Variants in SLC6A4 observed in about 807,000 individuals in gnomAD.
SLC6A4 encodes solute carrier family 6 member 4, also known as sodium-dependent serotonin transporter.
Under a neutral mutation model 73.4 loss-of-function variants are expected in SLC6A4, and 22 were observed. The ratio of observed to expected loss-of-function variants is 0.30; its 90% CI spans 0.21 to 0.43. SLC6A4 has a LOEUF of 0.43. Among genes scored for constraint, SLC6A4 ranks in the 20% least tolerant of loss-of-function variants. The probability of loss-of-function intolerance (pLI) is 1.00; values close to 1 mark genes in which losing one functional copy is unlikely to be tolerated. For missense variants in SLC6A4, 593 were observed against 808.5 expected (o/e 0.73, Z 3.23); for synonymous variants, 270 against 315.5 (o/e 0.86, Z 1.53).
At chr17:30,224,071 GC>G (rs1906853574) in intron 1 of SLC6A4, among the ~76,000 whole-genome samples, 1 of 152,106 alleles carries the variant, frequency 6.6e-6, no homozygotes, top group Non-Finnish European at 1.5e-5. Flanking sequence ...CTTCCCTCCG[GC>G]CTATATCAAT....
chr17:30,200,135 G>T (rs2143013105), intron 14 of SLC6A4, among the ~76,000 whole-genome samples: 1 of 152,354 alleles, frequency 6.6e-6, no homozygotes, highest in South Asian at 2.1e-4. Flanking sequence ...TGTTTGGTGG[G>T]GCAAGGCCCG....
In SLC6A4 at chr17:30,227,931, T is replaced by C. The variant is rs573146318; in HGVS notation, c.-220-5016A>G. On this transcript the variant is annotated intron_variant, in intron 1 of 14. Coordinates refer to ENST00000650711, the MANE Select transcript of SLC6A4 (RefSeq NM_001045.6). ...GCCCTGGGCTTCTCTCTACACAGAGTATAAAATCTAGAGGATATGCCCCTT... is the reference window on the plus strand; with the variant it reads ...GCCCTGGGCTTCTCTCTACACAGAGCATAAAATCTAGAGGATATGCCCCTT... Among the ~76,000 whole-genome samples, 6 of 152,298 alleles carry C rather than the reference T, an allele frequency of 3.9e-5. No homozygotes were observed. In the East Asian group the frequency reaches 1.2e-3, roughly 29 times the overall value.
intron 13 of SLC6A4, among the ~76,000 whole-genome samples, chr17:30,205,499 G>A (rs898548225): frequency 1.3e-5 from 2 of 152,168 alleles, no homozygotes; most frequent in Non-Finnish European, 2.9e-5. Flanking sequence ...CTGGTAGGAT[G>A]GGCTAGGCGA....
rs961362041 is a variant in SLC6A4, at chr17:30,203,083, A to G, written c.1818+89T>C. 1.6e-5 allele frequency: 18 copies of G among 1,132,588 alleles called. No individual in the cohort carries two copies. In the Admixed American group the frequency reaches 2.0e-4, roughly 13 times the overall value. 70.2% of individuals were successfully genotyped at this position (1,132,588 alleles called of 1,614,324 possible). On this transcript the variant is annotated intron_variant, in intron 14 of 14. Coordinates refer to ENST00000650711, the MANE Select transcript of SLC6A4 (RefSeq NM_001045.6). ...GGTTGCATGCCTCCTGGTGAATCTC[A>G]TTTTGAATAGAGCATAACAAGATAA... is the stretch of plus-strand genomic sequence containing the variant.
chr17:30,226,018 T>C (rs1402069461), intron 1 of SLC6A4, among the ~76,000 whole-genome samples: 1 of 152,180 alleles, frequency 6.6e-6, no homozygotes, highest in Non-Finnish European at 1.5e-5. Context: ...CCTTTGGAAA[T>C]GCCTGTGACG....
intron 13 of SLC6A4, among the ~76,000 whole-genome samples, chr17:30,206,712 C>CTTTTCTTTTTTTTTTT (rs61636654): frequency 7.7e-4 from 62 of 80,304 alleles, no homozygotes; most frequent in Non-Finnish European, 1.1e-3. Flanking sequence ...CTTTTCTTTT[C>CTTTTCTTTTTTTTTTT]TTTTTTTTTT....
At chr17:30,219,273 A>G (rs1391339202) in intron 3 of SLC6A4, among the ~76,000 whole-genome samples, 1 of 152,112 alleles carries the variant, frequency 6.6e-6, no homozygotes, top group Admixed American at 6.6e-5. Flanking sequence ...CTCCCTATAA[A>G]AGAACACAGT....
At chr17:30,223,739 A>T (rs2020937) in intron 1 of SLC6A4, among the ~76,000 whole-genome samples, 52,027 of 151,740 alleles carry the variant, frequency 0.34, 9,454 homozygotes, top group Non-Finnish European at 0.39. Context: ...TCCGCCACCC[A>T]CCCCAGGCTC....
chr17:30,225,824 T>TA (rs1264906732), intron 1 of SLC6A4, among the ~76,000 whole-genome samples: 1 of 152,190 alleles, frequency 6.6e-6, no homozygotes, highest in Non-Finnish European at 1.5e-5. Flanking sequence ...GACTTTCTCT[T>TA]AACTCTCCTG....
At chr17:30,198,917 G>A (rs1905945722) in intron 14 of SLC6A4, among the ~76,000 whole-genome samples, 2 of 152,116 alleles carry the variant, frequency 1.3e-5, no homozygotes. Flanking sequence ...GTAATTGCTG[G>A]GTTTTGGCCC....
In SLC6A4 at chr17:30,203,287, T is replaced by C; in HGVS notation, c.1703A>G (p.Tyr568Cys). 1.2e-6 allele frequency: 2 copies of C among 1,614,124 alleles called. No individual in the cohort carries two copies. Among genetic ancestry groups the C allele is most frequent in the Non-Finnish European group, 1.7e-6 (2 of 1,179,962 alleles). ...MSPPQLRLFQ[Y>C]NYPYWSIILG... The stretch of plus-strand genomic sequence containing the variant: ...GATGATACTCCAGTAAGGATAATTA[T>C]ATTGGAAAAGTCGTAGTTGTGGCGG... The change falls in exon 14 of 15, where the codon TAT (tyrosine) becomes TGT (cysteine). Residue 568 changes from tyrosine to cysteine, a missense_variant. Transcript: ENST00000650711.
At chr17:30,204,584 G>T (rs1023676398) in intron 13 of SLC6A4, 1 of 152,202 alleles carries the variant, frequency 6.6e-6, no homozygotes, top group African/African-American at 2.4e-5. Context: ...CTCCGGTTGG[G>T]GCAAGTGCTA....
intron 13 of SLC6A4, 49 bp from the exon 14 acceptor site, chr17:30,203,388 CAGAT>C (rs780002851): frequency 7.3e-6 from 11 of 1,498,982 alleles, no homozygotes; most frequent in Admixed American, 7.2e-5. Context: ...AATATCCACT[CAGAT>C]AGAGATGTTT....
At chr17:30,220,971 CTTT>C (rs776589435) in intron 3 of SLC6A4, among the ~76,000 whole-genome samples, 1 of 113,634 alleles carries the variant, frequency 8.8e-6, no homozygotes, top group Non-Finnish European at 1.7e-5. Context: ...GGAGATTTGA[CTTT>C]TTTTTTTTTT....
rs947268593 is a variant in SLC6A4, at chr17:30,235,413, T to G, written c.-221+200A>C. Among the ~76,000 whole-genome samples the G allele has an allele frequency of 2.0e-5, 3 of 152,304 alleles. No individual in the cohort carries two copies. The East Asian group carries it at 5.8e-4, about 29-fold the overall frequency. ...ACTCCACGTTCCTCGTCTCCCACTC[T>G]GGCCGGTCAGCTTCAGCTCTGGCTC... On this transcript the variant is annotated intron_variant, in intron 1 of 14. Transcript: ENST00000650711. The surrounding 1 kb of genome is among the most constrained non-coding windows in gnomAD (Gnocchi z 4.5).
Position 30,197,283 on chromosome 17 carries a change from C to T in SLC6A4, c.*1173G>A, listed in dbSNP as rs199846086. On this transcript the variant is annotated 3_prime_UTR_variant, in exon 15 of 15. Coordinates refer to ENST00000650711, the MANE Select transcript of SLC6A4 (RefSeq NM_001045.6). ...TATCTGGAGGGCTCACAATCGTGACCGCCAGCGAGCGGCGAGGTCCACGTA... is the reference window on the plus strand; with the variant it reads ...TATCTGGAGGGCTCACAATCGTGACTGCCAGCGAGCGGCGAGGTCCACGTA... 2 of 152,332 alleles carry T rather than the reference C, an allele frequency of 1.3e-5. No individual in the cohort carries two copies. The highest frequency in any genetic ancestry group is 2.4e-5 in the African/African-American group (1 of 41,446). 9.4% of individuals were successfully genotyped at this position (152,332 alleles called of 1,614,324 possible).
intron 1 of SLC6A4, among the ~76,000 whole-genome samples, chr17:30,230,038 A>AG (rs1177042043): frequency 2.5e-5 from 3 of 117,726 alleles, no homozygotes; most frequent in African/African-American, 6.0e-5. Flanking sequence ...AGAAGAAGAA[A>AG]AAGAAGAAAG....
At chr17:30,215,254 G>A (rs1178195297) in intron 8 of SLC6A4, among the ~76,000 whole-genome samples, 3 of 152,114 alleles carry the variant, frequency 2.0e-5, no homozygotes, top group Non-Finnish European at 4.4e-5. Context: ...TGTTGGCCAG[G>A]TTAGCCTGGA....
At chr17:30,218,664 A>T in intron 4 of SLC6A4, 133 bp downstream of exon 4, 1 of 898,088 alleles carries the variant, frequency 1.1e-6, no homozygotes, top group Non-Finnish European at 1.7e-6. Flanking sequence ...TCAAAACCTT[A>T]ATTACTCAAG....
Sources: gnomAD v4.1 joint callset for allele counts (sites outside exome capture counted in the v4.1 genomes callset) on GRCh38, gnomAD v4.1.1 for gene constraint, Gnocchi (gnomAD v3.1) non-coding constraint, MANE v1.5 for transcripts, NCBI Gene and HGNC (gene_info 2026-07-23, HGNC 2026-07-21) for gene names.